Variants in OSBPL1A observed in about 807,000 individuals in gnomAD.
OSBPL1A encodes oxysterol-binding protein-related protein 1.
Under a neutral mutation model 137.1 loss-of-function variants are expected in OSBPL1A, and 80 were observed. That is an observed-to-expected ratio of 0.58 (90% CI 0.49 to 0.70). The LOEUF (loss-of-function observed/expected upper bound fraction) is 0.70. Ranked by LOEUF, OSBPL1A falls within the 30% of genes least tolerant of loss-of-function variation. The pLI, the probability that OSBPL1A is intolerant of heterozygous loss-of-function variation, is 0.00. For missense variants in OSBPL1A, 970 were observed against 1,129.4 expected, an observed-to-expected ratio of 0.86 and a Z score of 2.02; for synonymous variants, 365 against 389.7, an observed-to-expected ratio of 0.94 and a Z score of 0.75.
At chr18:24,263,689 GC>G (rs751271952) in intron 15 of OSBPL1A, among the ~76,000 whole-genome samples, 151 of 152,280 alleles carry the variant, frequency 9.9e-4, no homozygotes, top group Non-Finnish European at 1.8e-3. Context: ...AGGCTGGAGT[GC>G]AGTGGCGCGA....
chr18:24,337,568 C>T (rs966718660), intron 5 of OSBPL1A, among the ~76,000 whole-genome samples: 2 of 112,500 alleles, frequency 1.8e-5, no homozygotes, highest in Non-Finnish European at 3.4e-5. Context: ...GAAACTCTGT[C>T]TCAAAAAAAA....
rs112904288 is a variant in OSBPL1A at position 24,255,295 on chromosome 18, C to T, written c.1282-15913G>A. 3.9e-3 allele frequency among the ~76,000 whole-genome samples: 596 copies of T among 152,270 alleles called. 2 individuals carry two copies. Among genetic ancestry groups the T allele is most frequent in the Non-Finnish European group, 6.3e-3 (428 of 68,028 alleles). On this transcript the variant is annotated intron_variant, in intron 15 of 27. Transcript: ENST00000319481. ...CATTTAAAGGAGAACTAATATCAATCGTACTCAAACTATTCTACAAAATAG... is the reference window on the plus strand; with the variant it reads ...CATTTAAAGGAGAACTAATATCAATTGTACTCAAACTATTCTACAAAATAG...
Position 24,172,379 on chromosome 18 carries a change from T to C in OSBPL1A, c.2198A>G (p.His733Arg). 1 of 1,609,704 alleles carries C rather than the reference T, an allele frequency of 6.2e-7. No homozygotes were observed. The highest frequency in any genetic ancestry group is 1.7e-5 in the Admixed American group (1 of 60,020). Residue 733 changes from histidine (H) to arginine (R), a missense_variant, in exon 22 of 28, where the codon CAC becomes CGC. By Grantham distance (29) the His-to-Arg change is conservative (BLOSUM62 0). Around this residue, in one of 2 missense-constraint regions of OSBPL1A, gnomAD observed 323 missense variants for 456.8 expected, o/e 0.71. Transcript: ENST00000319481. Reference sequence around the variant, plus strand: ...CGAAGTACCCAAGGTGCCTTACTTGTGGTTTATAATTTCCACATTGCCATA... The same window carrying C: ...CGAAGTACCCAAGGTGCCTTACTTGCGGTTTATAATTTCCACATTGCCATA... ...EQYGNVEIINHKTGDKCVLNF... is the reference protein window; with the variant it reads ...EQYGNVEIINRKTGDKCVLNF...
chr18:24,318,824 A>C lies in OSBPL1A; in HGVS notation c.626-15T>G. 6.2e-7 allele frequency: 1 copy of C among 1,608,774 alleles called. No individual in the cohort carries two copies. The highest frequency in any genetic ancestry group is 8.5e-7 in the Non-Finnish European group (1 of 1,178,134). On this transcript the variant is annotated splice_polypyrimidine_tract_variant and intron_variant, in intron 7 of 27. Transcript: ENST00000319481. ...AGGTTTCTGATCTGTGCAAAATACA[A>C]AGAAAAAAAGCCATCAACAGCTTAA...
chr18:24,240,498 G>C (rs150603239), intron 15 of OSBPL1A, among the ~76,000 whole-genome samples: 8 of 152,206 alleles, frequency 5.3e-5, no homozygotes, highest in African/African-American at 1.7e-4. Flanking sequence ...TCAGTAGTCC[G>C]GAAATCACTA....
At chr18:24,184,138 G>A (rs1408494627) in intron 18 of OSBPL1A, among the ~76,000 whole-genome samples, 1 of 152,084 alleles carries the variant, frequency 6.6e-6, no homozygotes, top group Non-Finnish European at 1.5e-5. Flanking sequence ...AAGAATATAG[G>A]CAAATAGGGA....
At chr18:24,247,553 C>A (rs1337519622) in intron 15 of OSBPL1A, among the ~76,000 whole-genome samples, 1 of 152,166 alleles carries the variant, frequency 6.6e-6, no homozygotes, top group African/African-American at 2.4e-5. Flanking sequence ...ACCTCTGCCT[C>A]CTGGGCTCAA....
chr18:24,355,588 C>A (rs989449986), intron 4 of OSBPL1A, among the ~76,000 whole-genome samples: 4 of 152,166 alleles, frequency 2.6e-5, no homozygotes, highest in Non-Finnish European at 5.9e-5. Context: ...GGGACCATTT[C>A]TTTTTCCCTG....
chr18:24,378,663 G>A (rs1466693996), intron 1 of OSBPL1A, among the ~76,000 whole-genome samples: 1 of 152,214 alleles, frequency 6.6e-6, no homozygotes, highest in Non-Finnish European at 1.5e-5. Context: ...TAAAAGAGAT[G>A]GGCTGTATAG....
chr18:24,221,993 C>T (rs554600702), intron 17 of OSBPL1A, among the ~76,000 whole-genome samples: 6 of 152,200 alleles, frequency 3.9e-5, no homozygotes, highest in East Asian at 3.9e-4. Context: ...TCTACGGCGA[C>T]GATGTCATCA....
intron 17 of OSBPL1A, among the ~76,000 whole-genome samples, chr18:24,224,481 G>A (rs530545147): frequency 2.5e-4 from 38 of 152,162 alleles, no homozygotes; most frequent in African/African-American, 8.2e-4. Flanking sequence ...TATCTATTAC[G>A]TCTCATTAAT....
At chr18:24,256,212 C>G (rs1219490918) in intron 15 of OSBPL1A, among the ~76,000 whole-genome samples, 1 of 152,174 alleles carries the variant, frequency 6.6e-6, no homozygotes, top group Non-Finnish European at 1.5e-5. Context: ...CTGATGAATA[C>G]TGATGCATAA....
chr18:24,196,088 AT>A (rs753359462), intron 18 of OSBPL1A, 36 bp downstream of exon 18: 276 of 1,501,320 alleles, frequency 1.8e-4, no homozygotes, highest in Non-Finnish European at 2.5e-4. Context: ...GATTAAACAT[AT>A]CTGCTTAATA....
intron 17 of OSBPL1A, among the ~76,000 whole-genome samples, chr18:24,210,711 C>CT (rs1369642147): frequency 6.6e-6 from 1 of 151,550 alleles, no homozygotes; most frequent in Admixed American, 6.6e-5. Context: ...TTTTTTCTTT[C>CT]TTTTTTTAGC....
intron 17 of OSBPL1A, among the ~76,000 whole-genome samples, chr18:24,202,220 A>G (rs1363487718): frequency 6.6e-6 from 1 of 152,200 alleles, no homozygotes; most frequent in Non-Finnish European, 1.5e-5. Context: ...AACCTGGGGC[A>G]AATCTTGCAA....
intron 21 of OSBPL1A, among the ~76,000 whole-genome samples, chr18:24,174,619 C>T (rs1378880458): frequency 3.3e-5 from 5 of 152,158 alleles, no homozygotes; most frequent in Non-Finnish European, 7.3e-5. Flanking sequence ...ACATCCTTGT[C>T]AGCACTTGGT....
intron 16 of OSBPL1A, among the ~76,000 whole-genome samples, chr18:24,236,303 C>T (rs2088471295): frequency 6.6e-6 from 1 of 151,934 alleles, no homozygotes; most frequent in African/African-American, 2.4e-5. Context: ...GAGACAGGTA[C>T]CAGAACAAAT....
At chr18:24,361,922 G>A (rs1420973086) in intron 4 of OSBPL1A, among the ~76,000 whole-genome samples, 1 of 149,838 alleles carries the variant, frequency 6.7e-6, no homozygotes, top group Non-Finnish European at 1.5e-5. Flanking sequence ...ACTTGAACCC[G>A]AGAGGCGGAG....
chr18:24,220,659 C>A (rs182947048), intron 17 of OSBPL1A, among the ~76,000 whole-genome samples: 1 of 152,114 alleles, frequency 6.6e-6, no homozygotes, highest in Non-Finnish European at 1.5e-5. Flanking sequence ...TGAGGAATTA[C>A]CCCAAATATT....
Sources: allele counts gnomAD v4.1 joint callset (sites outside exome capture counted in the v4.1 genomes callset), GRCh38; gene constraint gnomAD v4.1.1; regional missense constraint gnomAD v4.1.1; transcripts MANE v1.5; gene names NCBI Gene and HGNC (gene_info 2026-07-23, HGNC 2026-07-21).